FAP: variants seen among roughly 807,000 people sequenced by gnomAD.
FAP encodes fibroblast activation protein alpha.
In FAP, 110 loss-of-function variants were observed where a neutral mutation model predicts 126.5. That is an observed-to-expected ratio of 0.87 (90% CI 0.74 to 1.02). FAP has a LOEUF of 1.02. Among genes scored for constraint, FAP ranks in the 50% least tolerant of loss-of-function variants. The pLI, the probability that FAP is intolerant of heterozygous loss-of-function variation, is 0.00. For missense variants in FAP, 919 were observed against 909.2 expected (o/e 1.01, Z -0.14); for synonymous variants, 334 against 297.3 (o/e 1.12, Z -1.27).
intron 17 of FAP, chr2:162,193,558 T>C (rs1385977656): frequency 2.0e-5 from 3 of 152,176 alleles, no homozygotes; most frequent in African/African-American, 7.2e-5. Context: ...GAGAATTATA[T>C]GCTAATAGTG....
chr2:162,171,936 C>A (rs776553544), intron 25 of FAP: 2 of 152,070 alleles, frequency 1.3e-5, no homozygotes, highest in African/African-American at 2.4e-5. Flanking sequence ...TTATTCTCTT[C>A]CAGCTATTTT....
intron 11 of FAP, among the ~76,000 whole-genome samples, chr2:162,210,306 T>C (rs982824528): frequency 6.6e-6 from 1 of 152,130 alleles, no homozygotes; most frequent in African/African-American, 2.4e-5. Context: ...GGTAAAACAG[T>C]GGAGTTTGAG....
intron 5 of FAP, among the ~76,000 whole-genome samples, chr2:162,223,933 A>G (rs1365301900): frequency 6.6e-6 from 1 of 152,084 alleles, no homozygotes; most frequent in East Asian, 1.9e-4. Flanking sequence ...ATTTCCTAAC[A>G]TAAAAAGCTT....
chr2:162,222,884 G>A (rs1326915350), intron 6 of FAP, among the ~76,000 whole-genome samples: 1 of 152,014 alleles, frequency 6.6e-6, no homozygotes, highest in African/African-American at 2.4e-5. Flanking sequence ...GACCTACTTT[G>A]CATTTCTCAA....
rs1453044792 is a variant in FAP at position 162,218,006 on chromosome 2, T to C, written c.742A>G (p.Ile248Val). ...YYGDEQYPRT[I>V]NIPYPKAGAK... ...CATACCTTTGGGTATGGAATATTTA[T>C]TGTTCTAGGATATTGTTCATCGCCA... Residue 248 changes from isoleucine to valine, a missense_variant, in exon 9 of 26, where the codon ATA becomes GTA. Transcript: ENST00000188790. 1.3e-6 allele frequency: 2 copies of C among 1,575,530 alleles called. No homozygotes were observed. The highest frequency in any genetic ancestry group is 1.7e-6 in the Non-Finnish European group (2 of 1,162,454).
chr2:162,196,652 A>G (rs777466804), intron 16 of FAP, among the ~76,000 whole-genome samples: 2 of 151,948 alleles, frequency 1.3e-5, no homozygotes, highest in Admixed American at 6.6e-5. Flanking sequence ...TTGTTCCATC[A>G]GCATCATCGA....
intron 9 of FAP, 32 bp from the exon 10 acceptor site, chr2:162,216,033 A>G: frequency 6.7e-7 from 1 of 1,488,184 alleles, no homozygotes; most frequent in African/African-American, 1.4e-5. Flanking sequence ...ATAAGCTCAT[A>G]AAATTCCAAT....
chr2:162,178,966 T>C (rs1441752265), intron 21 of FAP, among the ~76,000 whole-genome samples: 2 of 152,182 alleles, frequency 1.3e-5, no homozygotes, highest in Non-Finnish European at 2.9e-5. Context: ...TTCCAACTGC[T>C]ACTTCACTGA....
Position 162,224,513 on chromosome 2 carries a change from A to G in FAP, c.313T>C (p.Leu105=), listed in dbSNP as rs756830043. The change falls in exon 5 of 26, where the codon TTA becomes CTA. Residue 105 remains leucine, a synonymous_variant. Transcript: ENST00000188790. ...MKSVNASNYG[L]SPDRQFVYLE... ...TATACAAATTGCCGATCAGGTGATA[A>G]GCCGTAATTTGAAGCATTCACACTT... 16 of 1,600,224 alleles carry G rather than the reference A, an allele frequency of 1.0e-5. No homozygotes were observed. Among genetic ancestry groups the G allele is most frequent in the Non-Finnish European group, 1.2e-5 (14 of 1,175,084 alleles).
intron 15 of FAP, 113 bp from the exon 16 acceptor site, chr2:162,198,994 T>C: frequency 1.2e-6 from 1 of 854,484 alleles, no homozygotes; most frequent in Non-Finnish European, 1.8e-6. Flanking sequence ...CCACTCTATT[T>C]TTCTGTTGCC....
intron 2 of FAP, among the ~76,000 whole-genome samples, chr2:162,242,148 T>C (rs1479376346): frequency 6.6e-6 from 1 of 152,150 alleles, no homozygotes; most frequent in Non-Finnish European, 1.5e-5. Flanking sequence ...TTTTTTCCAT[T>C]TCAGAAGCTT....
intron 2 of FAP, among the ~76,000 whole-genome samples, chr2:162,234,225 G>A (rs1690013504): frequency 6.6e-6 from 1 of 152,082 alleles, no homozygotes; most frequent in African/African-American, 2.4e-5. Flanking sequence ...GGATCAGCTA[G>A]TCACTTTCTG....
intron 2 of FAP, among the ~76,000 whole-genome samples, chr2:162,235,747 A>G (rs766514023): frequency 1.3e-5 from 2 of 152,066 alleles, no homozygotes; most frequent in Non-Finnish European, 2.9e-5. Flanking sequence ...CTCCTTCCAC[A>G]CTGTGGAAGT....
intron 9 of FAP, 22 bp from the exon 10 acceptor site, chr2:162,216,023 A>T: frequency 6.5e-7 from 1 of 1,544,256 alleles, no homozygotes; most frequent in Non-Finnish European, 8.9e-7. Context: ...ATTGAGATAT[A>T]TAAGCTCATA....
At chr2:162,193,216 T>C (rs139427646) in intron 17 of FAP, among the ~76,000 whole-genome samples, 8 of 152,232 alleles carry the variant, frequency 5.3e-5, no homozygotes, top group African/African-American at 1.9e-4. Flanking sequence ...CTATTAAAAA[T>C]ACAAATTTCC....
intron 2 of FAP, among the ~76,000 whole-genome samples, chr2:162,240,438 C>T (rs559607665): frequency 2.0e-5 from 3 of 152,258 alleles, no homozygotes; most frequent in South Asian, 4.1e-4. Context: ...TGTGAAATAA[C>T]ACAAATCCTT....
chr2:162,217,609 A>G (rs1689203253), intron 9 of FAP, among the ~76,000 whole-genome samples: 1 of 152,170 alleles, frequency 6.6e-6, no homozygotes, highest in Admixed American at 6.5e-5. Context: ...CAAATTCAGC[A>G]TTTGTATTTC....
At chr2:162,205,095 G>A (rs1309807331) in intron 12 of FAP, among the ~76,000 whole-genome samples, 2 of 152,168 alleles carry the variant, frequency 1.3e-5, no homozygotes, top group East Asian at 1.9e-4. Flanking sequence ...CCTATAAAAG[G>A]TGGCTGCTCA....
rs563320172 is a variant in FAP at position 162,237,718 on chromosome 2, G to A, written c.91+5190C>T. On this transcript the variant is annotated intron_variant, in intron 2 of 25. Transcript: ENST00000188790. ...TTATAATCCTTTGGGGATATACCCA[G>A]TAATGGGATGGCTGGGTCAAATGGT... is the stretch of plus-strand genomic sequence containing the variant. 9.2e-5 allele frequency among the ~76,000 whole-genome samples: 14 copies of A among 152,338 alleles called. No individual in the cohort carries two copies. The East Asian group carries it at 1.9e-3, about 21-fold the overall frequency.
Sources: allele counts gnomAD v4.1 joint callset (sites outside exome capture counted in the v4.1 genomes callset), GRCh38; gene constraint gnomAD v4.1.1; transcripts MANE v1.5; gene names NCBI Gene and HGNC (gene_info 2026-07-23, HGNC 2026-07-21).